Variants in BTBD9 observed in about 807,000 individuals in gnomAD.
BTBD9 encodes BTB domain containing 9, also known as BTB/POZ domain-containing protein 9.
In BTBD9, 49 loss-of-function variants were observed where a neutral mutation model predicts 64.3. The ratio of observed to expected loss-of-function variants is 0.76; its 90% CI spans 0.61 to 0.97. The LOEUF (loss-of-function observed/expected upper bound fraction) is 0.97. BTBD9 is among the 50% of genes least tolerant of loss of function. The probability of loss-of-function intolerance (pLI) is 0.00; values close to 1 mark genes in which losing one functional copy is unlikely to be tolerated. For synonymous variants in BTBD9, 260 were observed against 274.7 expected (o/e 0.95, Z 0.53); for missense variants, 598 against 762.1 (o/e 0.78, Z 2.53).
chr6:38,182,616 G>A (rs1761610345), intron 10 of BTBD9, among the ~76,000 whole-genome samples: 1 of 152,152 alleles, frequency 6.6e-6, no homozygotes, highest in South Asian at 2.1e-4. Flanking sequence ...TCTTCACTTT[G>A]TGTGACCAGG....
intron 6 of BTBD9, among the ~76,000 whole-genome samples, chr6:38,441,711 C>G (rs1483961612): frequency 6.6e-6 from 1 of 152,154 alleles, no homozygotes; most frequent in Non-Finnish European, 1.5e-5. Context: ...GCCACCACAC[C>G]CAGCCTCTGA....
intron 6 of BTBD9, among the ~76,000 whole-genome samples, chr6:38,390,231 C>T (rs1253648958): frequency 2.6e-5 from 4 of 152,230 alleles, no homozygotes; most frequent in African/African-American, 9.6e-5. Flanking sequence ...ATCACAGGCA[C>T]CTGCCACCAT....
In BTBD9 at chr6:38,530,384, C is replaced by CTT. The variant is rs2127428964; in HGVS notation, c.1154+47214_1154+47215dup. Among the ~76,000 whole-genome samples the CTT allele has an allele frequency of 2.0e-5, 3 of 152,230 alleles. No individual in the cohort carries two copies. In the South Asian group the frequency reaches 6.2e-4, roughly 32 times the overall value. ...CTTTCTGCCCTTTGAAGCATGTGATCTTTATACCTACTCCATGTTCTTACA... is the reference window on the plus strand; with the variant it reads ...CTTTCTGCCCTTTGAAGCATGTGATCTTTTTATACCTACTCCATGTTCTTACA... On this transcript the variant is annotated intron_variant, in intron 6 of 10. Coordinates refer to ENST00000481247, the MANE Select transcript of BTBD9 (RefSeq NM_001099272.2).
chr6:38,342,145 G>T (rs921527630), intron 7 of BTBD9, among the ~76,000 whole-genome samples: 3 of 152,048 alleles, frequency 2.0e-5, no homozygotes, highest in African/African-American at 7.2e-5. Flanking sequence ...TTATAAAAGT[G>T]ATTTTTAAGG....
At chr6:38,217,760 G>A (rs144546781) in intron 9 of BTBD9, among the ~76,000 whole-genome samples, 1 of 150,722 alleles carries the variant, frequency 6.6e-6, no homozygotes, top group African/African-American at 2.4e-5. Flanking sequence ...GCCCTTCACT[G>A]GCCGCATGGC....
At chr6:38,278,937 G>A (rs1031937718) in intron 8 of BTBD9, among the ~76,000 whole-genome samples, 1 of 152,210 alleles carries the variant, frequency 6.6e-6, no homozygotes, top group African/African-American at 2.4e-5. Flanking sequence ...AGCATACTCT[G>A]CATTTATCTA....
intron 10 of BTBD9, among the ~76,000 whole-genome samples, chr6:38,183,356 T>C (rs1761664829): frequency 6.6e-6 from 1 of 152,236 alleles, no homozygotes; most frequent in Admixed American, 6.5e-5. Context: ...AAGGAAGCTT[T>C]AAGATCTAGT....
chr6:38,183,309 CTA>C (rs1761660942), intron 10 of BTBD9, among the ~76,000 whole-genome samples: 1 of 152,172 alleles, frequency 6.6e-6, no homozygotes, highest in Non-Finnish European at 1.5e-5. Flanking sequence ...ATGAAACAAA[CTA>C]AATATTTTTC....
At chr6:38,357,411 C>T (rs970027089) in intron 6 of BTBD9, among the ~76,000 whole-genome samples, 1 of 152,154 alleles carries the variant, frequency 6.6e-6, no homozygotes, top group Admixed American at 6.5e-5. Flanking sequence ...TGTGGGTTTA[C>T]ACCTAAAAGA....
intron 7 of BTBD9, among the ~76,000 whole-genome samples, chr6:38,295,255 C>A (rs1422691339): frequency 1.3e-5 from 2 of 152,126 alleles, no homozygotes; most frequent in African/African-American, 4.8e-5. Context: ...GCCTTGGACT[C>A]CCAGGCTCAA....
At chr6:38,532,875 G>C (rs1217245477) in intron 6 of BTBD9, among the ~76,000 whole-genome samples, 2 of 151,676 alleles carry the variant, frequency 1.3e-5, no homozygotes, top group Admixed American at 6.6e-5. Flanking sequence ...TGAGAAAAGT[G>C]AAAGGAAAAG....
intron 6 of BTBD9, among the ~76,000 whole-genome samples, chr6:38,354,880 C>G (rs1764655799): frequency 6.6e-6 from 1 of 151,240 alleles, no homozygotes; most frequent in African/African-American, 2.4e-5. Context: ...CACAGAAATG[C>G]AAACAATAAC....
In BTBD9 at chr6:38,451,979, C is replaced by T. The variant is rs1282415166; in HGVS notation, c.1155-106886G>A. Among the ~76,000 whole-genome samples the T allele has an allele frequency of 2.6e-5, 4 of 152,064 alleles. No homozygotes were observed. In the East Asian group the frequency reaches 7.7e-4, roughly 29 times the overall value. ...CATTCTTTGAAAACTTTAAAAAGTC[C>T]TCAGCCCTTCCAATGTAGAAGAGCT... On this transcript the variant is annotated intron_variant, in intron 6 of 10. Transcript: ENST00000481247.
chr6:38,516,871 C>T (rs1773051043), intron 6 of BTBD9, among the ~76,000 whole-genome samples: 1 of 152,216 alleles, frequency 6.6e-6, no homozygotes, highest in Admixed American at 6.5e-5. Flanking sequence ...TTCCTTCATT[C>T]CATCAGATTG....
At chr6:38,182,667 C>T (rs568167902) in intron 10 of BTBD9, among the ~76,000 whole-genome samples, 5 of 152,152 alleles carry the variant, frequency 3.3e-5, no homozygotes, top group African/African-American at 7.2e-5. Context: ...CCAGCTGCGT[C>T]GAGGCTTCCA....
intron 6 of BTBD9, among the ~76,000 whole-genome samples, chr6:38,514,381 T>C (rs922639653): frequency 1.3e-5 from 2 of 152,242 alleles, no homozygotes. Context: ...TCATTTCTAA[T>C]AAAGAGCTGT....
chr6:38,236,102 C>T (rs1017870830), intron 9 of BTBD9, among the ~76,000 whole-genome samples: 2 of 152,154 alleles, frequency 1.3e-5, no homozygotes, highest in Non-Finnish European at 1.5e-5. Context: ...GTTAGATGTT[C>T]TTATGTAGGA....
At chr6:38,613,582 C>T (rs1777689404) in intron 1 of BTBD9, among the ~76,000 whole-genome samples, 2 of 151,686 alleles carry the variant, frequency 1.3e-5, no homozygotes, top group Non-Finnish European at 2.9e-5. Flanking sequence ...CCAACCTGGG[C>T]GACAGGTTGA....
At chr6:38,387,198 A>G (rs907833415) in intron 6 of BTBD9, among the ~76,000 whole-genome samples, 5 of 152,230 alleles carry the variant, frequency 3.3e-5, no homozygotes, top group African/African-American at 9.6e-5. Flanking sequence ...AAATCTGTAC[A>G]TATTTGTTTG....
Sources: gnomAD v4.1 joint callset for allele counts (sites outside exome capture counted in the v4.1 genomes callset) on GRCh38, gnomAD v4.1.1 for gene constraint, MANE v1.5 for transcripts, NCBI Gene and HGNC (gene_info 2026-07-23, HGNC 2026-07-21) for gene names.